The following PKP4 variants were observed in gnomAD, a reference collection of about 807,000 sequenced individuals.
PKP4 encodes plakophilin-4.
In PKP4, 90 loss-of-function variants were observed where a neutral mutation model predicts 145.1. That is an observed-to-expected ratio of 0.62 (90% CI 0.52 to 0.74). PKP4 has a LOEUF of 0.74. Among genes scored for constraint, PKP4 ranks in the 30% least tolerant of loss-of-function variants. PKP4 has a pLI of 0.00. For missense variants in PKP4, 1,340 were observed against 1,482.7 expected, an observed-to-expected ratio of 0.90 and a Z score of 1.58; for synonymous variants, 563 against 577.2, an observed-to-expected ratio of 0.98 and a Z score of 0.35.
chr2:158,542,024 G>A (rs1403068618), intron 2 of PKP4, among the ~76,000 whole-genome samples: 2 of 152,066 alleles, frequency 1.3e-5, no homozygotes, highest in Non-Finnish European at 2.9e-5. Flanking sequence ...AAGTTGACAT[G>A]AGCCATGATT....
intron 2 of PKP4, among the ~76,000 whole-genome samples, chr2:158,545,420 G>A (rs1313220733): frequency 5.9e-5 from 9 of 152,244 alleles, no homozygotes; most frequent in Middle Eastern, 3.4e-3. Context: ...GTCATAAACC[G>A]CTGAAGGTCA....
chr2:158,459,341 TTA>T (rs1363911905), intron 1 of PKP4, among the ~76,000 whole-genome samples: 1 of 152,244 alleles, frequency 6.6e-6, no homozygotes, highest in African/African-American at 2.4e-5. Context: ...CCTGGTTATT[TTA>T]TGTCAGATTC....
chr2:158,509,589 T>C (rs1462437384), intron 1 of PKP4, among the ~76,000 whole-genome samples: 1 of 152,208 alleles, frequency 6.6e-6, no homozygotes, highest in Non-Finnish European at 1.5e-5. Context: ...ATTATAGCTC[T>C]GATTTATAGG....
chr2:158,565,467 A>G (rs890490086), intron 2 of PKP4, among the ~76,000 whole-genome samples: 1 of 129,490 alleles, frequency 7.7e-6, no homozygotes, highest in African/African-American at 3.0e-5. Flanking sequence ...TCTGCCCTAT[A>G]GATCTAACAC....
At chr2:158,675,695 CCTA>C (rs1200358455) in intron 19 of PKP4, among the ~76,000 whole-genome samples, 1 of 152,164 alleles carries the variant, frequency 6.6e-6, no homozygotes, top group African/African-American at 2.4e-5. Context: ...TGCTTTCTGT[CCTA>C]CTACTTTCTG....
At chr2:158,577,190 C>T (rs1039708295) in intron 2 of PKP4, 81 bp from the exon 3 acceptor site, 4 of 813,456 alleles carry the variant, frequency 4.9e-6, no homozygotes, top group Non-Finnish European at 8.0e-6. Context: ...CCTATGTTTC[C>T]TGTGACATAC....
chr2:158,656,393 A>C (rs2055925122), intron 11 of PKP4, among the ~76,000 whole-genome samples: 1 of 152,202 alleles, frequency 6.6e-6, no homozygotes. Flanking sequence ...GTGTACCCCA[A>C]GATAATTATA....
chr2:158,627,340 G>T (rs202051813), intron 7 of PKP4, among the ~76,000 whole-genome samples: 1 of 152,098 alleles, frequency 6.6e-6, no homozygotes, highest in Non-Finnish European at 1.5e-5. Context: ...GAGGAAGGAA[G>T]CCAGCATATA....
intron 1 of PKP4, among the ~76,000 whole-genome samples, chr2:158,472,460 A>C (rs2105406349): frequency 6.6e-6 from 1 of 152,008 alleles, no homozygotes; most frequent in African/African-American, 2.4e-5. Flanking sequence ...AAATACAAAA[A>C]AAATTGGCCT....
chr2:158,577,267 A>C lies in PKP4; in HGVS notation c.133-4A>C, dbSNP rs1172043744. On this transcript the variant is annotated splice_polypyrimidine_tract_variant and splice_region_variant and intron_variant, in intron 2 of 21. Transcript: ENST00000389759. ...TATATGCCTTTTATTTTCTTGAATC[A>C]CAGGAGCTTCAGTTTCAGCGACTCA... 6.2e-7 allele frequency: 1 copy of C among 1,604,706 alleles called. No homozygotes were observed. Among genetic ancestry groups the C allele is most frequent in the Non-Finnish European group, 8.5e-7 (1 of 1,173,096 alleles).
intron 1 of PKP4, among the ~76,000 whole-genome samples, chr2:158,514,712 G>A (rs548870263): frequency 1.1e-4 from 16 of 152,252 alleles, no homozygotes; most frequent in Admixed American, 6.5e-4. Flanking sequence ...AGGTCGAGGC[G>A]GGTGGATCAC....
chr2:158,545,633 A>T (rs2044957695), intron 2 of PKP4, among the ~76,000 whole-genome samples: 1 of 152,128 alleles, frequency 6.6e-6, no homozygotes, highest in Non-Finnish European at 1.5e-5. Context: ...ACAGCTACTC[A>T]TTCTTATATC....
chr2:158,461,173 C>T (rs1169288396), intron 1 of PKP4, among the ~76,000 whole-genome samples: 2 of 152,126 alleles, frequency 1.3e-5, no homozygotes, highest in African/African-American at 4.8e-5. Context: ...TCAAATATTT[C>T]TTACCTTGTC....
chr2:158,628,951 C>T (rs138553381), intron 7 of PKP4, among the ~76,000 whole-genome samples: 1 of 152,230 alleles, frequency 6.6e-6, no homozygotes, highest in Non-Finnish European at 1.5e-5. Context: ...TTGGGTGTTA[C>T]AATAGCACCT....
intron 9 of PKP4, among the ~76,000 whole-genome samples, chr2:158,639,366 G>A (rs2054090760): frequency 6.6e-6 from 1 of 152,128 alleles, no homozygotes; most frequent in Non-Finnish European, 1.5e-5. Context: ...TTGCGTGTGT[G>A]CACACAGGTG....
intron 4 of PKP4, among the ~76,000 whole-genome samples, chr2:158,615,870 T>C (rs2051552184): frequency 6.6e-6 from 1 of 152,122 alleles, no homozygotes; most frequent in Admixed American, 6.5e-5. Flanking sequence ...TTTAGACGGG[T>C]AAAATTTTTA....
chr2:158,483,271 A>G (rs1693634747), intron 1 of PKP4, among the ~76,000 whole-genome samples: 2 of 150,818 alleles, frequency 1.3e-5, no homozygotes, highest in Non-Finnish European at 1.5e-5. Flanking sequence ...CATTTTATTC[A>G]AAGACTCCCC....
chr2:158,607,533 A>T (rs2050755812), intron 4 of PKP4, among the ~76,000 whole-genome samples: 1 of 152,176 alleles, frequency 6.6e-6, no homozygotes, highest in Non-Finnish European at 1.5e-5. Context: ...AGGGGTAGGT[A>T]GATGGTTTTG....
At chr2:158,615,247 G>T (rs2051489216) in intron 4 of PKP4, among the ~76,000 whole-genome samples, 1 of 151,774 alleles carries the variant, frequency 6.6e-6, no homozygotes, top group Non-Finnish European at 1.5e-5. Flanking sequence ...ATATTTTAGA[G>T]TGATTTTTGA....
Sources: allele counts gnomAD v4.1 joint callset (sites outside exome capture counted in the v4.1 genomes callset), GRCh38; gene constraint gnomAD v4.1.1; transcripts MANE v1.5; gene names NCBI Gene and HGNC (gene_info 2026-07-23, HGNC 2026-07-21).